The following LYPD5 variants were observed in gnomAD, a reference collection of about 807,000 sequenced individuals.
LYPD5 encodes the protein LY6/PLAUR domain containing 5.
Under a neutral mutation model 19.1 loss-of-function variants are expected in LYPD5, and 21 were observed. The ratio of observed to expected loss-of-function variants is 1.10; its 90% CI spans 0.78 to 1.58. The LOEUF (loss-of-function observed/expected upper bound fraction) is 1.58, where lower values mean the gene tolerates loss of function less well. Among genes scored for constraint, LYPD5 ranks in the 40% most tolerant of loss-of-function variants. The pLI is 0.00. For synonymous variants in LYPD5, 128 were observed against 142.7 expected (o/e 0.90, Z 0.74); for missense variants, 287 against 329.8 (o/e 0.87, Z 1.00).
In LYPD5 at chr19:43,801,240, A is replaced by G. The variant is rs543650227; in HGVS notation, c.64+1077T>C. On this transcript the variant is annotated intron_variant, in intron 1 of 4. Transcript: ENST00000377950. ...TTATCTCTATTTTAAAAACAACCAC[A>G]AGAAAAAAGGCCAGTCTCATTGGCT... 1.3e-4 allele frequency among the ~76,000 whole-genome samples: 20 copies of G among 152,142 alleles called. 1 individual carries two copies. The South Asian group carries it at 4.2e-3, about 32-fold the overall frequency.
rs1305200143 is a variant in LYPD5, at chr19:43,796,368, G to T, written c.*1223C>A. On this transcript the variant is annotated 3_prime_UTR_variant, in exon 5 of 5. Transcript: ENST00000377950. ...TGCTAAAGGATCCCATCTCTATGAA[G>T]TTCATGCAGTTATGAAAGTGTCCTG... The T allele has an allele frequency of 6.8e-6, 1 of 147,792 alleles. No homozygotes were observed. The allele number at this position is 147,792 out of a possible 1,614,324, so 9.2% of individuals were successfully genotyped here.
chr19:43,802,226 C>A, intron 1 of LYPD5, 91 bp downstream of exon 1: 1 of 1,185,382 alleles, frequency 8.4e-7, no homozygotes. Flanking sequence ...CCCTCAGACC[C>A]AGGAGTCCAG....
intron 1 of LYPD5, among the ~76,000 whole-genome samples, chr19:43,814,641 C>T (rs1970355324): frequency 6.6e-6 from 1 of 152,228 alleles, no homozygotes; most frequent in African/African-American, 2.4e-5. Flanking sequence ...ATACATCAGT[C>T]ACACTGATCC....
chr19:43,806,562 T>C (rs1265801277), upstream of LYPD5, among the ~76,000 whole-genome samples: 1 of 152,032 alleles, frequency 6.6e-6, no homozygotes, highest in African/African-American at 2.4e-5. Flanking sequence ...CTCAGGAGGC[T>C]GAGGCAAGAG....
intron 1 of LYPD5, among the ~76,000 whole-genome samples, chr19:43,817,937 A>G (rs1159226633): frequency 1.3e-5 from 2 of 152,000 alleles, no homozygotes; most frequent in Non-Finnish European, 2.9e-5. Flanking sequence ...GATGGTCTCT[A>G]TTTCCTGACC....
At chr19:43,798,748 C>T (rs1256805974) in intron 3 of LYPD5, 64 bp downstream of exon 3, 3 of 1,570,856 alleles carry the variant, frequency 1.9e-6, no homozygotes, top group East Asian at 2.3e-5. Context: ...GAGGCCACGC[C>T]TTCCCCGAGG....
intron 1 of LYPD5, among the ~76,000 whole-genome samples, chr19:43,819,739 G>A (rs1009773930): frequency 2.0e-5 from 3 of 152,122 alleles, no homozygotes; most frequent in Non-Finnish European, 4.4e-5. Flanking sequence ...ATGATGAGCC[G>A]AATCTGCCAA....
intron 1 of LYPD5, among the ~76,000 whole-genome samples, chr19:43,817,085 C>CAAGG (rs1970381016): frequency 6.6e-6 from 1 of 152,204 alleles, no homozygotes; most frequent in Non-Finnish European, 1.5e-5. Flanking sequence ...CCCCAAAACT[C>CAAGG]AGAGGCTTGA....
At chr19:43,801,555 G>A (rs1331209288) in intron 1 of LYPD5, among the ~76,000 whole-genome samples, 1 of 152,192 alleles carries the variant, frequency 6.6e-6, no homozygotes, top group East Asian at 1.9e-4. Flanking sequence ...ATAAATATAG[G>A]CTTACAAATC....
At chr19:43,815,916 T>C (rs4483954) in intron 1 of LYPD5, among the ~76,000 whole-genome samples, 14,423 of 152,004 alleles carry the variant, frequency 0.095, 842 homozygotes, top group Non-Finnish European at 0.13. Flanking sequence ...GTATTTTTAG[T>C]AGAGATGGAG....
chr19:43,797,380 T>A lies in LYPD5; in HGVS notation c.*211A>T. The A allele has an allele frequency of 1.8e-6, 1 of 551,334 alleles. No individual in the cohort carries two copies. Among genetic ancestry groups the A allele is most frequent in the Non-Finnish European group, 3.2e-6 (1 of 310,920 alleles). The allele number at this position is 551,334 out of a possible 1,614,324, so 34.2% of individuals were successfully genotyped here. On this transcript the variant is annotated 3_prime_UTR_variant, in exon 5 of 5. Transcript: ENST00000377950. Reference sequence around the variant, plus strand: ...TTCATCGGGGCACGACATGGCTGTTTTGCCCTCCCCGGGGATGCTGGTGAC... The same window carrying A: ...TTCATCGGGGCACGACATGGCTGTTATGCCCTCCCCGGGGATGCTGGTGAC...
chr19:43,819,676 AGTTT>A (rs1970403621), intron 1 of LYPD5, among the ~76,000 whole-genome samples: 1 of 152,158 alleles, frequency 6.6e-6, no homozygotes, highest in Non-Finnish European at 1.5e-5. Flanking sequence ...TTGCCTTTTT[AGTTT>A]GAGGGGAGGT....
At chr19:43,819,143 A>G (rs1197021769) in intron 1 of LYPD5, among the ~76,000 whole-genome samples, 1 of 152,064 alleles carries the variant, frequency 6.6e-6, no homozygotes, top group Non-Finnish European at 1.5e-5. Context: ...CCTCTATTGC[A>G]TCAGTGTTTT....
chr19:43,802,818 T>G (rs1970239943), upstream of LYPD5, among the ~76,000 whole-genome samples: 1 of 152,058 alleles, frequency 6.6e-6, no homozygotes, highest in Non-Finnish European at 1.5e-5. Context: ...AAACCTTCTC[T>G]GAACCCCATC....
chr19:43,809,638 C>G (rs968681933), intron 1 of LYPD5, among the ~76,000 whole-genome samples: 1 of 152,120 alleles, frequency 6.6e-6, no homozygotes, highest in African/African-American at 2.4e-5. Flanking sequence ...GTGATCCACC[C>G]GCCTTGGCCT....
intron 1 of LYPD5, among the ~76,000 whole-genome samples, chr19:43,819,372 C>T (rs769780028): frequency 2.7e-5 from 4 of 150,208 alleles, no homozygotes; most frequent in African/African-American, 9.8e-5. Flanking sequence ...GCAATCTCCA[C>T]CCCCAGGGTT....
At chr19:43,803,648 C>G (rs563788807), upstream of LYPD5, among the ~76,000 whole-genome samples, 1 of 152,330 alleles carries the variant, frequency 6.6e-6, no homozygotes, top group East Asian at 1.9e-4. Context: ...AGGACACTTA[C>G]TTTAGAAAAC....
At chr19:43,807,435 C>T (rs553492574), upstream of LYPD5, among the ~76,000 whole-genome samples, 129 of 152,126 alleles carry the variant, frequency 8.5e-4, 1 homozygote, top group Non-Finnish European at 1.7e-3. Context: ...AGGCGCCTGC[C>T]ACCACGCCCA....
At chr19:43,798,088 CCTCCTCCCTCA>C (rs1970158936) in intron 4 of LYPD5, among the ~76,000 whole-genome samples, 1 of 128,454 alleles carries the variant, frequency 7.8e-6, no homozygotes, top group Non-Finnish European at 1.7e-5. Context: ...CAGGGTTATG[CCTCCTCCCTCA>C]GACCAGGGCA....
Sources: allele counts gnomAD v4.1 joint callset (sites outside exome capture counted in the v4.1 genomes callset), GRCh38; gene constraint gnomAD v4.1.1; transcripts MANE v1.5; gene names NCBI Gene and HGNC (gene_info 2026-07-23, HGNC 2026-07-21).